PKIG: variants seen among roughly 807,000 people sequenced by gnomAD.
PKIG encodes the protein cAMP-dependent protein kinase inhibitor gamma.
PKIG carries 1 observed loss-of-function variant against 6.8 expected under a neutral mutation model. The observed-to-expected ratio is 0.15, with a 90% CI of 0.05 to 0.69. The LOEUF (loss-of-function observed/expected upper bound fraction) is 0.69. Ranked by LOEUF, PKIG falls within the 30% of genes least tolerant of loss-of-function variation. The pLI is 0.82. For synonymous variants in PKIG, 39 were observed against 43.0 expected (o/e 0.91, Z 0.36); for missense variants, 77 against 104.0 (o/e 0.74, Z 1.13).
intron 1 of PKIG, among the ~76,000 whole-genome samples, chr20:44,557,829 A>C (rs1600850088): frequency 6.6e-6 from 1 of 151,972 alleles, no homozygotes; most frequent in African/African-American, 2.4e-5. Flanking sequence ...ATCTCAAAAA[A>C]TAAAAAATAA....
At chr20:44,581,170 C>A (rs1413647828), upstream of PKIG, among the ~76,000 whole-genome samples, 1 of 152,184 alleles carries the variant, frequency 6.6e-6, no homozygotes, top group Non-Finnish European at 1.5e-5. Flanking sequence ...TTGGGCATGT[C>A]ACCTAACTTC....
intron 2 of PKIG, among the ~76,000 whole-genome samples, chr20:44,612,632 T>G (rs1199952083): frequency 6.6e-6 from 1 of 152,222 alleles, no homozygotes; most frequent in Non-Finnish European, 1.5e-5. Flanking sequence ...TGGACAATCT[T>G]GTGTGCTACT....
chr20:44,584,444 C>A (rs1337749563), intron 1 of PKIG, among the ~76,000 whole-genome samples: 1 of 150,682 alleles, frequency 6.6e-6, no homozygotes, highest in African/African-American at 2.4e-5. Flanking sequence ...TAACATAGAG[C>A]CACCCTCTCC....
intron 1 of PKIG, among the ~76,000 whole-genome samples, chr20:44,536,328 T>C (rs1417500982): frequency 2.6e-5 from 4 of 152,202 alleles, no homozygotes; most frequent in Non-Finnish European, 5.9e-5. Flanking sequence ...TTTATTCTGT[T>C]CCTCATTGCC....
At chr20:44,611,674 G>A (rs544703807) in intron 2 of PKIG, among the ~76,000 whole-genome samples, 38 of 151,796 alleles carry the variant, frequency 2.5e-4, no homozygotes, top group African/African-American at 7.2e-4. Context: ...CTGCCACCAC[G>A]CCTGGCTAAT....
intron 2 of PKIG, among the ~76,000 whole-genome samples, chr20:44,610,490 T>A (rs1177524918): frequency 1.7e-5 from 2 of 116,716 alleles, no homozygotes; most frequent in South Asian, 2.5e-4. Context: ...CTCTCTTCTC[T>A]CTCTCTCTCT....
At chr20:44,554,955 AG>A (rs2064700733) in intron 1 of PKIG, among the ~76,000 whole-genome samples, 1 of 152,194 alleles carries the variant, frequency 6.6e-6, no homozygotes. Context: ...TTCTGAGAGT[AG>A]GGTATTAAAA....
intron 1 of PKIG, among the ~76,000 whole-genome samples, chr20:44,533,187 AGT>A (rs2064483055): frequency 6.6e-6 from 1 of 152,020 alleles, no homozygotes; most frequent in Non-Finnish European, 1.5e-5. Context: ...TGTGTGTGAC[AGT>A]GTGTGCGTGT....
intron 2 of PKIG, among the ~76,000 whole-genome samples, chr20:44,611,865 A>T (rs776604155): frequency 1.3e-5 from 2 of 151,980 alleles, no homozygotes; most frequent in Non-Finnish European, 2.9e-5. Flanking sequence ...GCGTAAAATC[A>T]TGCAGTATTT....
At chr20:44,576,857 G>A (rs2064902944) in intron 1 of PKIG, among the ~76,000 whole-genome samples, 1 of 152,166 alleles carries the variant, frequency 6.6e-6, no homozygotes, top group Admixed American at 6.5e-5. Flanking sequence ...AACCTATCCA[G>A]TTTCTAGCCA....
At chr20:44,552,940 T>G (rs2064681926) in intron 1 of PKIG, among the ~76,000 whole-genome samples, 2 of 152,006 alleles carry the variant, frequency 1.3e-5, no homozygotes, top group African/African-American at 4.8e-5. Context: ...CTTTTTAGAG[T>G]CAATGATCTG....
intron 1 of PKIG, among the ~76,000 whole-genome samples, chr20:44,568,823 A>G (rs2064831483): frequency 6.6e-6 from 1 of 152,066 alleles, no homozygotes; most frequent in Non-Finnish European, 1.5e-5. Context: ...GTAATATTCC[A>G]TTCTGTAGAT....
chr20:44,576,708 G>A (rs374173768), intron 1 of PKIG, among the ~76,000 whole-genome samples: 1 of 152,092 alleles, frequency 6.6e-6, no homozygotes, highest in South Asian at 2.1e-4. Flanking sequence ...AAATCAATGA[G>A]TCCAAGACTG....
intron 1 of PKIG, among the ~76,000 whole-genome samples, chr20:44,570,687 T>A (rs1443345378): frequency 6.6e-6 from 1 of 152,056 alleles, no homozygotes; most frequent in Non-Finnish European, 1.5e-5. Flanking sequence ...CCTCATCTCA[T>A]AGAACTGATA....
At chr20:44,548,903 C>CACACACAT in intron 1 of PKIG, among the ~76,000 whole-genome samples, 1 of 81,274 alleles carries the variant, frequency 1.2e-5, no homozygotes, top group African/African-American at 6.8e-5. Flanking sequence ...CACACACACA[C>CACACACAT]ATATATCTGT....
chr20:44,567,333 G>A (rs912298237), intron 1 of PKIG, among the ~76,000 whole-genome samples: 1 of 152,232 alleles, frequency 6.6e-6, no homozygotes, highest in African/African-American at 2.4e-5. Flanking sequence ...CTCTGTGATT[G>A]TCTCACCAAA....
chr20:44,537,005 C>G (rs2064518148), intron 1 of PKIG, among the ~76,000 whole-genome samples: 1 of 152,228 alleles, frequency 6.6e-6, no homozygotes, highest in Non-Finnish European at 1.5e-5. Flanking sequence ...TCTCAGTTCA[C>G]TGCAGCCTCC....
At chr20:44,603,726 A>G (rs1450782612) in intron 2 of PKIG, among the ~76,000 whole-genome samples, 1 of 152,188 alleles carries the variant, frequency 6.6e-6, no homozygotes, top group Non-Finnish European at 1.5e-5. Context: ...CTTTTCATTA[A>G]TTGAACAGGT....
At chr20:44,590,035 A>G (rs1248390281) in intron 2 of PKIG, among the ~76,000 whole-genome samples, 169 bp downstream of exon 2, 2 of 152,150 alleles carry the variant, frequency 1.3e-5, no homozygotes, top group African/African-American at 2.4e-5. Context: ...AGTTATATAC[A>G]TAACAGCATG....
Sources: allele counts gnomAD v4.1 joint callset (sites outside exome capture counted in the v4.1 genomes callset), GRCh38; gene constraint gnomAD v4.1.1; transcripts MANE v1.5; gene names NCBI Gene and HGNC (gene_info 2026-07-23, HGNC 2026-07-21).